PTPN23: variants seen among roughly 807,000 people sequenced by gnomAD.
PTPN23 encodes the protein protein tyrosine phosphatase non-receptor type 23.
Under a neutral mutation model 156.3 loss-of-function variants are expected in PTPN23, and 72 were observed. The observed-to-expected ratio is 0.46, with a 90% CI of 0.38 to 0.56. The LOEUF is 0.56. Among genes scored for constraint, PTPN23 ranks in the 20% least tolerant of loss-of-function variants. The pLI is 0.00. For missense variants in PTPN23, 1,974 were observed against 2,171.5 expected, an observed-to-expected ratio of 0.91 and a Z score of 1.81; for synonymous variants, 957 against 899.6, an observed-to-expected ratio of 1.06 and a Z score of -1.14.
At chr3:47,404,891 AT>A in intron 3 of PTPN23, 112 bp downstream of exon 3, 2 of 1,579,056 alleles carry the variant, frequency 1.3e-6, no homozygotes, top group South Asian at 2.3e-5. Context: ...ATGGCCTCAT[AT>A]GGTCCCCCCA....
chr3:47,389,755 G>A (rs1704729965), intron 1 of PTPN23, among the ~76,000 whole-genome samples: 1 of 151,730 alleles, frequency 6.6e-6, no homozygotes, highest in South Asian at 2.1e-4. Flanking sequence ...CAGGAGAATG[G>A]CGTGAACCCG....
At position 47,407,641 on chromosome 3, in the gene PTPN23, G is replaced by A. The variant is rs373113360; in HGVS notation, c.1004-56G>A. The A allele has an allele frequency of 3.3e-5, 53 of 1,606,310 alleles. No individual in the cohort carries two copies. Among genetic ancestry groups the A allele is most frequent in the Non-Finnish European group, 4.1e-5 (48 of 1,173,278 alleles). On this transcript the variant is annotated intron_variant, in intron 12 of 24. Coordinates refer to ENST00000265562, the MANE Select transcript of PTPN23 (RefSeq NM_015466.4). This position sits in a 1 kb window ranked among gnomAD's most constrained non-coding sequence, Gnocchi z 4.0. ...ACGGTGGGGTGGGGACAGGACACAGGAGGCTGCCTCAAGGACTCTGCGTGG... is the reference window on the plus strand; with the variant it reads ...ACGGTGGGGTGGGGACAGGACACAGAAGGCTGCCTCAAGGACTCTGCGTGG...
At position 47,406,464 on chromosome 3, in the gene PTPN23, C is replaced by T. The variant is rs1205439342; in HGVS notation, c.628-17C>T. Reference sequence around the variant, plus strand: ...ACTGCTGACTCCCCCACTCATTGGGCCCCACCCTGTTCTCAGGTGGTAGAT... The same window carrying T: ...ACTGCTGACTCCCCCACTCATTGGGTCCCACCCTGTTCTCAGGTGGTAGAT... On this transcript the variant is annotated splice_polypyrimidine_tract_variant and intron_variant, in intron 7 of 24. Transcript: ENST00000265562. The surrounding 1 kb of genome is among the most constrained non-coding windows in gnomAD (Gnocchi z 5.8). 1.8e-5 allele frequency: 29 copies of T among 1,613,794 alleles called. No individual in the cohort carries two copies. The highest frequency in any genetic ancestry group is 2.4e-5 in the Non-Finnish European group (28 of 1,179,988).
In PTPN23 at chr3:47,405,877, A is replaced by G. The variant is rs982966732; in HGVS notation, c.415-38A>G. On this transcript the variant is annotated intron_variant, in intron 5 of 24. Transcript: ENST00000265562. This position sits in a 1 kb window ranked among gnomAD's most constrained non-coding sequence, Gnocchi z 4.7. ...CCCAAGTATGGATGAATCCTGACCCATGGAGTGGACACAGGCCATCCTCCC... is the reference window on the plus strand; with the variant it reads ...CCCAAGTATGGATGAATCCTGACCCGTGGAGTGGACACAGGCCATCCTCCC... 6.2e-7 allele frequency: 1 copy of G among 1,608,918 alleles called. No individual in the cohort carries two copies. The highest frequency in any genetic ancestry group is 8.5e-7 in the Non-Finnish European group (1 of 1,177,222).
rs745448264 is a variant in PTPN23 at position 47,406,279 on chromosome 3, G to C, written c.547-46G>C. 4.4e-6 allele frequency: 7 copies of C among 1,603,134 alleles called. No individual in the cohort carries two copies. The highest frequency in any genetic ancestry group is 6.0e-6 in the Non-Finnish European group (7 of 1,172,112). On this transcript the variant is annotated intron_variant, in intron 6 of 24. Transcript: ENST00000265562. The surrounding 1 kb of genome is among the most constrained non-coding windows in gnomAD (Gnocchi z 5.8). Reference sequence around the variant, plus strand: ...GGAAGGATAAAGGGAAGGGGAAGCGGGAGGCCTTGGGTGAGCGAGGGAGTG... The same window carrying C: ...GGAAGGATAAAGGGAAGGGGAAGCGCGAGGCCTTGGGTGAGCGAGGGAGTG...
rs1705183451 is a variant in PTPN23 at position 47,408,487 on chromosome 3, C to T, written c.1327C>T (p.Gln443Ter). The T allele has an allele frequency of 6.2e-7, 1 of 1,610,992 alleles. No homozygotes were observed. The highest frequency in any genetic ancestry group is 8.5e-7 in the Non-Finnish European group (1 of 1,177,906). ...TGTCAGGAACCTTGTACAGTCCATG[C>T]AAGGTGAGTAAGGGGCAGAGCAAGC... ...DTVRNLVQSM[Q>*]VLSGVFTDVE... The change falls in exon 15 of 25, where the codon CAA (glutamine) becomes TAA (stop). Residue 443 changes from glutamine (Q) to a stop codon, truncating the protein, a stop_gained. Transcript: ENST00000265562. LOFTEE classifies it high-confidence loss of function.
At chr3:47,390,008 G>C (rs1704738044) in intron 1 of PTPN23, among the ~76,000 whole-genome samples, 1 of 151,602 alleles carries the variant, frequency 6.6e-6, no homozygotes, top group African/African-American at 2.4e-5. Context: ...AGGAGGTGGA[G>C]GTTGCAGTAA....
In PTPN23 at chr3:47,413,200, C is replaced by T; in HGVS notation, c.*15C>T. ...ACAAGACCTGAACAGGTTTTGCCTA[C>T]CTGGTCCTTACACTACATCATCATC... is the stretch of plus-strand genomic sequence containing the variant. On this transcript the variant is annotated 3_prime_UTR_variant, in exon 25 of 25. Transcript: ENST00000265562. The T allele has an allele frequency of 1.3e-6, 2 of 1,599,346 alleles. No homozygotes were observed. Among genetic ancestry groups the T allele is most frequent in the South Asian group, 2.2e-5 (2 of 89,170 alleles).
In PTPN23 at chr3:47,406,656, G is replaced by A. The variant is rs115065106; in HGVS notation, c.759+44G>A. On this transcript the variant is annotated intron_variant, in intron 8 of 24. Transcript: ENST00000265562. The surrounding 1 kb of genome is among the most constrained non-coding windows in gnomAD (Gnocchi z 5.8). ...AGGGCGGGGCAGGGCGGGGCTGAGT[G>A]GCCACAGCTCAGGAAGCAAGTCGTG... The A allele has an allele frequency of 9.0e-4, 1,450 of 1,613,936 alleles. 15 individuals carry two copies. In the African/African-American group the frequency reaches 0.018, roughly 20 times the overall value.
rs185738518 is a variant in PTPN23, at chr3:47,399,987, T to C, written c.159+3770T>C. Among the ~76,000 whole-genome samples the C allele has an allele frequency of 1.9e-3, 291 of 152,260 alleles. 3 individuals are homozygous for C. Among genetic ancestry groups the C allele is most frequent in the African/African-American group, 6.4e-3 (266 of 41,534 alleles). ...CCACCATGCCTGGCTAATTTTTGTA[T>C]TTTTTGTAGACATGGAGTCTCGTAT... On this transcript the variant is annotated intron_variant, in intron 2 of 24. Coordinates refer to ENST00000265562, the MANE Select transcript of PTPN23 (RefSeq NM_015466.4).
At position 47,410,800 on chromosome 3, in the gene PTPN23, C is replaced by T. The variant is rs771632590; in HGVS notation, c.3002C>T (p.Ala1001Val). The change falls in exon 20 of 25, where the codon GCC becomes GTC. Residue 1001 changes from alanine to valine, a missense_variant. Transcript: ENST00000265562. ...LLPPQSPYPY[A>V]PQPGVLGQPP... ...CCCCCACAATCCCCCTACCCCTATG[C>T]CCCTCAGCCTGGGGTCCTGGGGCAG... The T allele has an allele frequency of 8.8e-6, 14 of 1,583,696 alleles. No individual in the cohort carries two copies. The highest frequency in any genetic ancestry group is 1.1e-5 in the South Asian group (1 of 89,852).
rs542985447 is a variant in PTPN23 at position 47,405,198 on chromosome 3, G to A, written c.364+117G>A. 28 of 925,318 alleles carry A rather than the reference G, an allele frequency of 3.0e-5. No individual in the cohort carries two copies. Among genetic ancestry groups the A allele is most frequent in the South Asian group, 8.6e-5 (6 of 69,638 alleles). The allele number at this position is 925,318 out of a possible 1,614,324, so 57.3% of individuals were successfully genotyped here. On this transcript the variant is annotated intron_variant, in intron 4 of 24. Transcript: ENST00000265562. This position sits in a 1 kb window ranked among gnomAD's most constrained non-coding sequence, Gnocchi z 4.7. ...ATAAAGGGAGGACTCCAGGATTCCC[G>A]CCCCTCCACTGACCTCCCCACAGCC...
rs1050729954 is a variant in PTPN23, at chr3:47,408,895, T to G, written c.1450T>G (p.Ser484Ala). 3.7e-6 allele frequency: 6 copies of G among 1,614,094 alleles called. No homozygotes were observed. The highest frequency in any genetic ancestry group is 4.2e-6 in the Non-Finnish European group (5 of 1,180,044). Residue 484 changes from serine (S) to alanine (A), a missense_variant, in exon 16 of 25, where the codon TCC becomes GCC. Ser to Ala is a moderately conservative substitution (Grantham distance 99, BLOSUM62 1). Transcript: ENST00000265562. ...GGCGGTGGGCCAGGCAGGGGCCATC[T>G]CCATCACCTCCAAGGCTGAGCTGGC... ...QEAVGQAGAI[S>A]ITSKAELAEV... is the part of the protein sequence containing the mutation.
Position 47,411,645 on chromosome 3 carries a change from T to TCA in PTPN23, c.3848_3849dup (p.Val1284GlnfsTer34). The TCA allele has an allele frequency of 6.2e-7, 1 of 1,608,388 alleles. No homozygotes were observed. The highest frequency in any genetic ancestry group is 8.5e-7 in the Non-Finnish European group (1 of 1,176,862). On this transcript the variant is annotated frameshift_variant, in exon 20 of 25. Coordinates refer to ENST00000265562, the MANE Select transcript of PTPN23 (RefSeq NM_015466.4). LOFTEE classifies it high-confidence loss of function. This position sits in a 1 kb window ranked among gnomAD's most constrained non-coding sequence, Gnocchi z 6.3. ...GCTCATGGTCCATGAGCAGAAAGTGTCAGTCATTGTCATGCTGGTTTCTGA... is the reference window on the plus strand; with the variant it reads ...GCTCATGGTCCATGAGCAGAAAGTGTCACAGTCATTGTCATGCTGGTTTCTGA...
Position 47,410,939 on chromosome 3 carries a change from C to T in PTPN23, c.3141C>T (p.Pro1047=). ...CTGGGCCCCCTCAGCCTCCCCATCC[C>T]CCACTGGCATATGGTCCTGCCCCTT... The part of the protein sequence containing the change: ...PSPGPPQPPH[P]PLAYGPAPST... Residue 1047 remains proline (P), a synonymous_variant, in exon 20 of 25, where the codon CCC becomes CCT. Transcript: ENST00000265562. 1 of 1,609,968 alleles carries T rather than the reference C, an allele frequency of 6.2e-7. No individual in the cohort carries two copies. Among genetic ancestry groups the T allele is most frequent in the Non-Finnish European group, 8.5e-7 (1 of 1,177,540 alleles).
At position 47,410,756 on chromosome 3, in the gene PTPN23, C is replaced by A; in HGVS notation, c.2958C>A (p.Pro986=). ...TCCAGCATCCACATCTCTTCCCACC[C>A]CAGGCCCCAGGACTCCTACCCCCAC... ...LPLQHPHLFP[P]QAPGLLPPQS... is the part of the protein sequence containing the mutation. Residue 986 remains proline (P), a synonymous_variant, in exon 20 of 25, where the codon CCC becomes CCA. Coordinates refer to ENST00000265562, the MANE Select transcript of PTPN23 (RefSeq NM_015466.4). 6.4e-7 allele frequency: 1 copy of A among 1,555,288 alleles called. No individual in the cohort carries two copies.
intron 2 of PTPN23, among the ~76,000 whole-genome samples, chr3:47,402,661 C>A (rs957887697): frequency 6.6e-6 from 1 of 152,092 alleles, no homozygotes; most frequent in African/African-American, 2.4e-5. Context: ...TTATGGTGTA[C>A]AGTCTTCTGA....
rs1452062683 is a variant in PTPN23 at position 47,412,340 on chromosome 3, G to A, written c.4236G>A (p.Val1412=). ...FALLYAAVQE[V]EAGNGIPELP... ...TGCTCTATGCAGCTGTGCAGGAGGTGGAGGCTGGGAACGGAATCCCTGAGC... is the reference window on the plus strand; with the variant it reads ...TGCTCTATGCAGCTGTGCAGGAGGTAGAGGCTGGGAACGGAATCCCTGAGC... Residue 1412 remains valine, a synonymous_variant, in exon 23 of 25, where the codon GTG becomes GTA. Transcript: ENST00000265562. The A allele has an allele frequency of 7.4e-6, 12 of 1,613,246 alleles. No homozygotes were observed. The Admixed American group carries it at 2.0e-4, about 27-fold the overall frequency.
At position 47,410,456 on chromosome 3, in the gene PTPN23, C is replaced by T; in HGVS notation, c.2658C>T (p.Ser886=). The change falls in exon 20 of 25, where the codon AGC becomes AGT. Residue 886 remains serine (S), a synonymous_variant. Coordinates refer to ENST00000265562, the MANE Select transcript of PTPN23 (RefSeq NM_015466.4). ...AVRPATTTVD[S]IQAPIPSHTA... ...GGCCAGCCACCACCACAGTAGATAGCATCCAGGCGCCCATCCCCAGCCACA... is the reference window on the plus strand; with the variant it reads ...GGCCAGCCACCACCACAGTAGATAGTATCCAGGCGCCCATCCCCAGCCACA... 6.2e-7 allele frequency: 1 copy of T among 1,611,144 alleles called. No individual in the cohort carries two copies.
Sources: gnomAD v4.1 joint callset for allele counts (sites outside exome capture counted in the v4.1 genomes callset) on GRCh38, gnomAD v4.1.1 for gene constraint, Gnocchi (gnomAD v3.1) non-coding constraint, MANE v1.5 for transcripts, NCBI Gene and HGNC (gene_info 2026-07-23, HGNC 2026-07-21) for gene names.